AKT3: variants seen among roughly 807,000 people sequenced by gnomAD.
The protein encoded by AKT3 is AKT serine/threonine kinase 3, also known as RAC-gamma serine/threonine-protein kinase.
AKT3 carries 15 observed loss-of-function variants against 65.3 expected under a neutral mutation model. The ratio of observed to expected loss-of-function variants is 0.23; its 90% CI spans 0.15 to 0.35. The LOEUF is 0.35. Among genes scored for constraint, AKT3 ranks in the 10% least tolerant of loss-of-function variants. AKT3 has a pLI of 1.00. For missense variants in AKT3, 243 were observed against 576.5 expected, an observed-to-expected ratio of 0.42 and a Z score of 5.92; for synonymous variants, 206 against 183.8, an observed-to-expected ratio of 1.12 and a Z score of -0.98.
chr1:243,795,471 TTTTGG>T (rs1558817974), intron 2 of AKT3, among the ~76,000 whole-genome samples: 4 of 102,350 alleles, frequency 3.9e-5, no homozygotes, highest in Admixed American at 1.2e-4. Flanking sequence ...TGTTTTTTTT[TTTTGG>T]TTTTTTTTTT....
intron 8 of AKT3, among the ~76,000 whole-genome samples, chr1:243,589,306 C>CA (rs758254217): frequency 0.06 from 2,443 of 40,554 alleles, 170 homozygotes; most frequent in African/African-American, 0.18. Flanking sequence ...AACTCCATCT[C>CA]AAAAAAAAAA....
intron 6 of AKT3, among the ~76,000 whole-genome samples, chr1:243,630,470 T>C (rs762678927): frequency 4.6e-5 from 7 of 152,148 alleles, no homozygotes; most frequent in Non-Finnish European, 1.0e-4. Flanking sequence ...AAGGGAGAAA[T>C]TGGAAGAAAT....
At chr1:243,761,661 G>T (rs1689498966) in intron 2 of AKT3, among the ~76,000 whole-genome samples, 1 of 152,080 alleles carries the variant, frequency 6.6e-6, no homozygotes, top group Non-Finnish European at 1.5e-5. Context: ...CCACTCACAT[G>T]AGTTACTTTA....
At chr1:243,848,655 T>G (rs948960962) in intron 1 of AKT3, among the ~76,000 whole-genome samples, 1 of 152,034 alleles carries the variant, frequency 6.6e-6, no homozygotes, top group African/African-American at 2.4e-5. Context: ...ATGACCATGC[T>G]TTACCAAATA....
intron 10 of AKT3, among the ~76,000 whole-genome samples, chr1:243,554,039 T>C (rs1241302533): frequency 6.6e-6 from 1 of 152,206 alleles, no homozygotes; most frequent in Non-Finnish European, 1.5e-5. Context: ...TTCCAAACTT[T>C]CTTGCTTCGA....
chr1:243,827,692 C>A (rs994194520), intron 2 of AKT3, among the ~76,000 whole-genome samples: 1 of 152,064 alleles, frequency 6.6e-6, no homozygotes, highest in Non-Finnish European at 1.5e-5. Flanking sequence ...AATGTATGTA[C>A]GTACTTGTCG....
At chr1:243,830,219 G>T (rs1694417033) in intron 2 of AKT3, among the ~76,000 whole-genome samples, 1 of 152,152 alleles carries the variant, frequency 6.6e-6, no homozygotes, top group Non-Finnish European at 1.5e-5. Context: ...ATTTGCAGTG[G>T]ATTAGGTAAT....
intron 8 of AKT3, among the ~76,000 whole-genome samples, chr1:243,587,307 T>C (rs1004575405): frequency 6.6e-6 from 1 of 152,050 alleles, no homozygotes; most frequent in Admixed American, 6.6e-5. Flanking sequence ...TCCTAGAAAT[T>C]TCCTTAAAAA....
chr1:243,626,995 G>A (rs1038981249), intron 6 of AKT3, among the ~76,000 whole-genome samples: 1 of 152,160 alleles, frequency 6.6e-6, no homozygotes, highest in Non-Finnish European at 1.5e-5. Context: ...GTATCATGGT[G>A]GACCAAAAGA....
At chr1:243,685,395 T>A (rs373887409) in intron 3 of AKT3, among the ~76,000 whole-genome samples, 10 of 152,194 alleles carry the variant, frequency 6.6e-5, no homozygotes, top group Non-Finnish European at 1.3e-4. Context: ...TTTCTGCATA[T>A]GGCTAGCCAG....
chr1:243,780,649 A>G (rs1340955530), intron 2 of AKT3, among the ~76,000 whole-genome samples: 2 of 151,688 alleles, frequency 1.3e-5, no homozygotes, highest in South Asian at 2.1e-4. Context: ...GAAGAAAGGA[A>G]GAAGAGGAAA....
chr1:243,843,538 G>A (rs1322418540), intron 1 of AKT3: 7 of 1,062,856 alleles, frequency 6.6e-6, no homozygotes, highest in Non-Finnish European at 5.7e-6. Flanking sequence ...AACCAGTCAC[G>A]CCTACCCAAA....
chr1:243,850,528 G>C (rs865980218), upstream of AKT3, among the ~76,000 whole-genome samples: 266 of 151,538 alleles, frequency 1.8e-3, no homozygotes, highest in African/African-American at 6.2e-3. Flanking sequence ...GCGCCTCGCT[G>C]AGGGGACCCC....
At chr1:243,752,791 AC>A (rs1026570559) in intron 2 of AKT3, among the ~76,000 whole-genome samples, 3 of 152,206 alleles carry the variant, frequency 2.0e-5, no homozygotes, top group Non-Finnish European at 4.4e-5. Flanking sequence ...AGGTCTATTA[AC>A]AGTACTAGTT....
chr1:243,783,106 A>C (rs1691014850), intron 2 of AKT3, among the ~76,000 whole-genome samples: 1 of 152,146 alleles, frequency 6.6e-6, no homozygotes. Context: ...AGCTTCTAAG[A>C]ATTTCTGGAG....
chr1:243,681,878 A>G (rs925769478), intron 3 of AKT3, among the ~76,000 whole-genome samples: 3 of 152,226 alleles, frequency 2.0e-5, no homozygotes, highest in South Asian at 2.1e-4. Context: ...ACAAAATGCA[A>G]TTACACAAAT....
At chr1:243,796,147 T>C (rs573537500) in intron 2 of AKT3, among the ~76,000 whole-genome samples, 2 of 152,372 alleles carry the variant, frequency 1.3e-5, no homozygotes, top group East Asian at 3.9e-4. Flanking sequence ...CCTGTCCATC[T>C]GCTTATTTGA....
At chr1:243,571,095 G>A (rs954835370) in intron 9 of AKT3, among the ~76,000 whole-genome samples, 3 of 152,088 alleles carry the variant, frequency 2.0e-5, no homozygotes, top group South Asian at 2.1e-4. Flanking sequence ...CGAGGCAGGC[G>A]GTCACGAGGT....
intron 8 of AKT3, among the ~76,000 whole-genome samples, chr1:243,594,999 A>G (rs1676499227): frequency 6.6e-6 from 1 of 152,368 alleles, no homozygotes; most frequent in East Asian, 1.9e-4. Context: ...ACAGACCTAT[A>G]CATGTAATAG....
Sources: gnomAD v4.1 joint callset for allele counts (sites outside exome capture counted in the v4.1 genomes callset) on GRCh38, gnomAD v4.1.1 for gene constraint, MANE v1.5 for transcripts, NCBI Gene and HGNC (gene_info 2026-07-23, HGNC 2026-07-21) for gene names.